Variants in MPIG6B observed in about 807,000 individuals in gnomAD.
MPIG6B encodes megakaryocyte and platelet inhibitory receptor G6b, also known as immunoglobulin receptor.
Under a neutral mutation model 24.2 loss-of-function variants are expected in MPIG6B, and 22 were observed. That is an observed-to-expected ratio of 0.91 (90% confidence interval 0.65 to 1.30). The LOEUF (loss-of-function observed/expected upper bound fraction) is 1.30. MPIG6B is among the 50% of genes most tolerant of loss of function. MPIG6B has a pLI of 0.00. For synonymous variants in MPIG6B, 136 were observed against 142.0 expected (o/e 0.96, Z 0.30); for missense variants, 301 against 318.5 (o/e 0.94, Z 0.42).
chr6:31,724,221 G>A lies in MPIG6B; in HGVS notation c.489G>A (p.Trp163Ter), dbSNP rs935669552. 3 of 1,612,868 alleles carry A rather than the reference G, an allele frequency of 1.9e-6. No homozygotes were observed. The highest frequency in any genetic ancestry group is 1.3e-5 in the African/African-American group (1 of 74,922). ...GACTGGGAGCTTTGGGCCTGGTCTGGTGGCTGCACAGGTGAGCAGGAGGGA... is the reference window on the plus strand; with the variant it reads ...GACTGGGAGCTTTGGGCCTGGTCTGATGGCTGCACAGGTGAGCAGGAGGGA... ...VLGLGALGLV[W>*]WLHRRLPPQP... The change falls in exon 3 of 6, where the codon TGG (tryptophan) becomes TGA (stop). Residue 163 changes from tryptophan (W) to a stop codon, truncating the protein, a stop_gained. Transcript: ENST00000649779. LOFTEE classifies it high-confidence loss of function.
chr6:31,724,780 C>T lies in MPIG6B; in HGVS notation c.557C>T (p.Thr186Ile), dbSNP rs762577035. 6.2e-6 allele frequency: 10 copies of T among 1,613,950 alleles called. No homozygotes were observed. In the Admixed American group the frequency reaches 1.5e-4, roughly 24 times the overall value. ...CCCCACATAGCTCCACTTGTGAAAA[C>T]CGAGCCCCAGAGGCCAGTAAAGGAG... ...PLPRFAPLVK[T>I]EPQRPVKEEE... Residue 186 changes from threonine to isoleucine, a missense_variant, in exon 5 of 6, where the codon ACC (threonine) becomes ATC (isoleucine). Coordinates refer to ENST00000649779, the MANE Select transcript of MPIG6B (RefSeq NM_138272.3).
At chr6:31,724,059 T>TG in intron 2 of MPIG6B, 73 bp downstream of exon 2, 2 of 1,574,000 alleles carry the variant, frequency 1.3e-6, no homozygotes, top group South Asian at 2.3e-5. Flanking sequence ...GGGCCTTGGC[T>TG]GGGGGTTCTT....
At chr6:31,722,978 T>G (rs1053782589), upstream of MPIG6B, 7 of 282,468 alleles carry the variant, frequency 2.5e-5, no homozygotes, top group East Asian at 9.7e-5. Flanking sequence ...AAACAGGAGT[T>G]TTTTTTGTTG....
At position 31,725,360 on chromosome 6, in the gene MPIG6B, G is replaced by A. The variant is rs1386825534; in HGVS notation, c.*286G>A. Reference sequence around the variant, plus strand: ...TTTTTTTTTTTTGAGACGGAGTCTCGCTCTGTTGCCCAGGCTGGAGTGCAG... The same window carrying A: ...TTTTTTTTTTTTGAGACGGAGTCTCACTCTGTTGCCCAGGCTGGAGTGCAG... On this transcript the variant is annotated 3_prime_UTR_variant, in exon 6 of 6. Transcript: ENST00000649779. This position sits in a 1 kb window ranked among gnomAD's most constrained non-coding sequence, Gnocchi z 5.2. 7 of 374,912 alleles carry A rather than the reference G, an allele frequency of 1.9e-5. No homozygotes were observed. The highest frequency in any genetic ancestry group is 1.4e-4 in the South Asian group (3 of 20,856). The allele number at this position is 374,912 out of a possible 1,614,324, so 23.2% of individuals were successfully genotyped here.
chr6:31,726,188 C>G lies in MPIG6B; in HGVS notation c.*1114C>G, dbSNP rs1807349829. 1 of 152,396 alleles carries G rather than the reference C, an allele frequency of 6.6e-6. No individual in the cohort carries two copies. The highest frequency in any genetic ancestry group is 2.4e-5 in the African/African-American group (1 of 41,448). 9.4% of individuals were successfully genotyped at this position (152,396 alleles called of 1,614,324 possible). On this transcript the variant is annotated 3_prime_UTR_variant, in exon 6 of 6. Coordinates refer to ENST00000649779, the MANE Select transcript of MPIG6B (RefSeq NM_138272.3). The surrounding 1 kb of genome is among the most constrained non-coding windows in gnomAD (Gnocchi z 5.1). ...CTTTCCTCCCTGAAGTCAGAGAGAT[C>G]CTACTCAAGAGATAACTGCTCCTGA...
In MPIG6B at chr6:31,725,256, C is replaced by T. The variant is rs1028079183; in HGVS notation, c.*182C>T. The T allele has an allele frequency of 5.0e-6, 3 of 597,108 alleles. No individual in the cohort carries two copies. In the African/African-American group the frequency reaches 5.6e-5, roughly 11 times the overall value. The allele number at this position is 597,108 out of a possible 1,614,324, so 37.0% of individuals were successfully genotyped here. On this transcript the variant is annotated 3_prime_UTR_variant, in exon 6 of 6. Transcript: ENST00000649779. This position sits in a 1 kb window ranked among gnomAD's most constrained non-coding sequence, Gnocchi z 5.2. ...GCCACTGGTCTTACTTCTAAACTTA[C>T]TCCCATCTCTCCTATAACCTCCATG...
chr6:31,724,930 CTG>C (rs1562177393), intron 5 of MPIG6B, 38 bp from the exon 6 acceptor site: 1 of 1,610,674 alleles, frequency 6.2e-7, no homozygotes. Context: ...CCAAGGAAGA[CTG>C]TGGAGACCAT....
In MPIG6B at chr6:31,726,151, C is replaced by G. The variant is rs910467981; in HGVS notation, c.*1077C>G. On this transcript the variant is annotated 3_prime_UTR_variant, in exon 6 of 6. Coordinates refer to ENST00000649779, the MANE Select transcript of MPIG6B (RefSeq NM_138272.3). The surrounding 1 kb of genome is among the most constrained non-coding windows in gnomAD (Gnocchi z 5.1). Reference sequence around the variant, plus strand: ...GGATTACCCATAGCCCCACCTCATCCTCCTACCCTTGCTTTCCTCCCTGAA... The same window carrying G: ...GGATTACCCATAGCCCCACCTCATCGTCCTACCCTTGCTTTCCTCCCTGAA... The G allele has an allele frequency of 2.9e-4, 45 of 152,634 alleles. No individual in the cohort carries two copies. Among genetic ancestry groups the G allele is most frequent in the African/African-American group, 1.0e-3 (43 of 41,456 alleles). The allele number at this position is 152,634 out of a possible 1,614,324, so 9.5% of individuals were successfully genotyped here.
chr6:31,724,839 G>C lies in MPIG6B; in HGVS notation c.616G>C (p.Glu206Gln), dbSNP rs1807199406. The C allele has an allele frequency of 6.2e-7, 1 of 1,613,620 alleles. No individual in the cohort carries two copies. Among genetic ancestry groups the C allele is most frequent in the South Asian group, 1.1e-5 (1 of 91,080 alleles). The change falls in exon 5 of 6, where the codon GAA (glutamate) becomes CAA (glutamine). Residue 206 changes from glutamate to glutamine, a missense_variant. Transcript: ENST00000649779. ...EPKIPGDLDQ[E>Q]PSLLYADLDH... is the part of the protein sequence containing the mutation. Reference sequence around the variant, plus strand: ...CAAGATTCCAGGGGACCTGGACCAGGAACCGGTAAGGGCATGGGGATGGGA... The same window carrying C: ...CAAGATTCCAGGGGACCTGGACCAGCAACCGGTAAGGGCATGGGGATGGGA...
chr6:31,723,280 C>T, upstream of MPIG6B: 1 of 909,600 alleles, frequency 1.1e-6, no homozygotes, highest in South Asian at 1.4e-5. The surrounding 1 kb of genome is among the most constrained non-coding windows in gnomAD (Gnocchi z 4.3). Context: ...TATCGGAGCC[C>T]CCCAGCCCCT....
chr6:31,723,373 A>C lies in MPIG6B; in HGVS notation c.-11A>C, dbSNP rs766705042. 1.2e-6 allele frequency: 2 copies of C among 1,607,934 alleles called. No individual in the cohort carries two copies. The highest frequency in any genetic ancestry group is 1.7e-6 in the Non-Finnish European group (2 of 1,178,570). ...GATTCGCTCGCAGCTTCTCCTCACC[A>C]CATCCTAACCATGGCTGTGTTTCTG... On this transcript the variant is annotated 5_prime_UTR_variant, in exon 1 of 6. Coordinates refer to ENST00000649779, the MANE Select transcript of MPIG6B (RefSeq NM_138272.3). This position sits in a 1 kb window ranked among gnomAD's most constrained non-coding sequence, Gnocchi z 4.3.
chr6:31,723,931 A>C lies in MPIG6B; in HGVS notation c.354A>C (p.Thr118=). The C allele has an allele frequency of 1.3e-6, 2 of 1,579,594 alleles. No homozygotes were observed. Among genetic ancestry groups the C allele is most frequent in the South Asian group, 2.3e-5 (2 of 85,212 alleles). Residue 118 remains threonine, a synonymous_variant, in exon 2 of 6, where the codon ACA becomes ACC. Transcript: ENST00000649779. The surrounding 1 kb of genome is among the most constrained non-coding windows in gnomAD (Gnocchi z 4.3). ...GCCGCCACGAGGACGAGAGCCGTACAGTGCTTCACGTGCTGGGGGACAGGA... is the reference window on the plus strand; with the variant it reads ...GCCGCCACGAGGACGAGAGCCGTACCGTGCTTCACGTGCTGGGGGACAGGA... ...CKGRHEDESR[T]VLHVLGDRTY...
At position 31,725,109 on chromosome 6, in the gene MPIG6B, G is replaced by A. The variant is rs767356770; in HGVS notation, c.*35G>A. 2 of 1,468,510 alleles carry A rather than the reference G, an allele frequency of 1.4e-6. No individual in the cohort carries two copies. Among genetic ancestry groups the A allele is most frequent in the Admixed American group, 1.7e-5 (1 of 59,208 alleles). The allele number at this position is 1,468,510 out of a possible 1,614,324, so 91.0% of individuals were successfully genotyped here. A position where few individuals can be genotyped will look rare whatever the true frequency, so the allele number is the denominator to read the frequency against. The stretch of plus-strand genomic sequence containing the variant: ...CTTACTCCAAACCTCCCAAGCTAGG[G>A]GATCCCAGCTCCCCATAATCCCTCT... On this transcript the variant is annotated 3_prime_UTR_variant, in exon 6 of 6. Coordinates refer to ENST00000649779, the MANE Select transcript of MPIG6B (RefSeq NM_138272.3). This position sits in a 1 kb window ranked among gnomAD's most constrained non-coding sequence, Gnocchi z 5.2.
chr6:31,721,786 G>T (rs943690546), upstream of MPIG6B: 3 of 1,146,334 alleles, frequency 2.6e-6, no homozygotes, highest in South Asian at 1.4e-5. Flanking sequence ...AAACCCAAAG[G>T]CTCCTCCCTT....
chr6:31,723,278 C>T, upstream of MPIG6B: 4 of 740,242 alleles, frequency 5.4e-6, no homozygotes, highest in South Asian at 3.2e-5. The surrounding 1 kb of genome is among the most constrained non-coding windows in gnomAD (Gnocchi z 4.3). Context: ...CTTATCGGAG[C>T]CCCCCAGCCC....
Position 31,725,253 on chromosome 6 carries a change from T to C in MPIG6B, c.*179T>C, listed in dbSNP as rs1562178550. 2 of 598,234 alleles carry C rather than the reference T, an allele frequency of 3.3e-6. No individual in the cohort carries two copies. Among genetic ancestry groups the C allele is most frequent in the Admixed American group, 3.0e-5 (1 of 33,138 alleles). The allele number at this position is 598,234 out of a possible 1,614,324, so 37.1% of individuals were successfully genotyped here. On this transcript the variant is annotated 3_prime_UTR_variant, in exon 6 of 6. Transcript: ENST00000649779. This position sits in a 1 kb window ranked among gnomAD's most constrained non-coding sequence, Gnocchi z 5.2. ...TCTGCCACTGGTCTTACTTCTAAAC[T>C]TACTCCCATCTCTCCTATAACCTCC... is the stretch of plus-strand genomic sequence containing the variant.
chr6:31,721,750 A>G, upstream of MPIG6B: 3 of 1,533,744 alleles, frequency 2.0e-6, no homozygotes, highest in Non-Finnish European at 2.7e-6. Context: ...CAGCTCTAGG[A>G]GTTGAGTGGC....
In MPIG6B at chr6:31,723,854, C is replaced by A; in HGVS notation, c.277C>A (p.Arg93=). The change falls in exon 2 of 6, where the codon CGG becomes AGG. Residue 93 remains arginine, a synonymous_variant. Coordinates refer to ENST00000649779, the MANE Select transcript of MPIG6B (RefSeq NM_138272.3). The surrounding 1 kb of genome is among the most constrained non-coding windows in gnomAD (Gnocchi z 4.3). ...ACGCTCCCTGGACTCTGGTATCCGG[C>A]GGCTGGAGCTCCTCTTGAGCGCGGG... is the stretch of plus-strand genomic sequence containing the variant. ...RLRSLDSGIR[R]LELLLSAGDS... 6.2e-7 allele frequency: 1 copy of A among 1,609,826 alleles called. No homozygotes were observed. Among genetic ancestry groups the A allele is most frequent in the Non-Finnish European group, 8.5e-7 (1 of 1,178,374 alleles).
chr6:31,724,699 C>G (rs764705634), intron 4 of MPIG6B, 66 bp from the exon 5 acceptor site: 1 of 1,607,138 alleles, frequency 6.2e-7, no homozygotes, highest in African/African-American at 1.3e-5. Context: ...TGAGTCTGAG[C>G]CCTTGCTGGG....
Sources: gnomAD v4.1 joint callset for allele counts on GRCh38, gnomAD v4.1.1 for gene constraint, Gnocchi (gnomAD v3.1) non-coding constraint, MANE v1.5 for transcripts, NCBI Gene and HGNC (gene_info 2026-07-23, HGNC 2026-07-21) for gene names.